MPZL1: variants seen among roughly 807,000 people sequenced by gnomAD.
The protein encoded by MPZL1 is myelin protein zero like 1, also known as myelin protein zero-like protein 1.
A neutral mutation model predicts 29.3 loss-of-function variants in MPZL1; 16 were observed. The ratio of observed to expected loss-of-function variants is 0.55; its 90% CI spans 0.37 to 0.83. MPZL1 has a LOEUF of 0.83. MPZL1 is among the 40% of genes least tolerant of loss of function. The pLI, the probability that MPZL1 is intolerant of heterozygous loss-of-function variation, is 0.00. For synonymous variants in MPZL1, 143 were observed against 132.0 expected (o/e 1.08, Z -0.57); for missense variants, 279 against 332.9 (o/e 0.84, Z 1.26).
chr1:167,741,463 T>G (rs1010358772), intron 1 of MPZL1, among the ~76,000 whole-genome samples: 1 of 144,758 alleles, frequency 6.9e-6, no homozygotes, highest in Non-Finnish European at 1.5e-5. Context: ...GTAGCTGGAA[T>G]TACAGGCACA....
At chr1:167,742,569 T>G (rs1660555231) in intron 1 of MPZL1, among the ~76,000 whole-genome samples, 1 of 152,146 alleles carries the variant, frequency 6.6e-6, no homozygotes, top group Non-Finnish European at 1.5e-5. Flanking sequence ...TTGTGAAGAT[T>G]TTCTCTCACT....
chr1:167,749,596 G>A (rs542825230), intron 1 of MPZL1, among the ~76,000 whole-genome samples: 1 of 152,316 alleles, frequency 6.6e-6, no homozygotes, highest in East Asian at 1.9e-4. Context: ...ATCTTTACCT[G>A]TAACACAGTT....
At chr1:167,774,556 TG>T (rs1181171972) in intron 4 of MPZL1, 1 of 152,260 alleles carries the variant, frequency 6.6e-6, no homozygotes, top group Non-Finnish European at 1.5e-5. Flanking sequence ...TAAATATAGT[TG>T]GACTATTGGT....
chr1:167,735,630 G>C (rs1660362185), intron 1 of MPZL1, among the ~76,000 whole-genome samples: 4 of 152,160 alleles, frequency 2.6e-5, no homozygotes, highest in Admixed American at 2.6e-4. Flanking sequence ...AATCTGCAGG[G>C]TAGGCTGGCA....
chr1:167,782,677 G>A (rs1661520500), intron 5 of MPZL1, among the ~76,000 whole-genome samples: 1 of 152,110 alleles, frequency 6.6e-6, no homozygotes, highest in African/African-American at 2.4e-5. Context: ...AAAAGGACTT[G>A]GCAGATGTGA....
At chr1:167,753,789 C>T (rs569237232) in intron 1 of MPZL1, among the ~76,000 whole-genome samples, 1 of 151,934 alleles carries the variant, frequency 6.6e-6, no homozygotes, top group African/African-American at 2.4e-5. Flanking sequence ...GCCATCACGC[C>T]GGGCTAATTT....
chr1:167,730,402 C>T (rs1223293200), intron 1 of MPZL1, among the ~76,000 whole-genome samples: 1 of 152,156 alleles, frequency 6.6e-6, no homozygotes, highest in Non-Finnish European at 1.5e-5. Flanking sequence ...CCTCAGCCTT[C>T]CTAATAGCTG....
At chr1:167,733,166 G>A (rs1660304647) in intron 1 of MPZL1, among the ~76,000 whole-genome samples, 1 of 152,188 alleles carries the variant, frequency 6.6e-6, no homozygotes, top group Non-Finnish European at 1.5e-5. Flanking sequence ...GGAATACCGT[G>A]ACCAGCTGAT....
intron 1 of MPZL1, among the ~76,000 whole-genome samples, chr1:167,753,198 G>C (rs892966634): frequency 1.3e-5 from 2 of 152,196 alleles, no homozygotes; most frequent in African/African-American, 2.4e-5. Context: ...GGTGGGCCTT[G>C]TTCCAAGCTG....
At chr1:167,755,075 G>A (rs190010701) in intron 1 of MPZL1, among the ~76,000 whole-genome samples, 17 of 152,230 alleles carry the variant, frequency 1.1e-4, no homozygotes, top group Non-Finnish European at 2.2e-4. Flanking sequence ...TCTGTTGTAC[G>A]TTGTATGGGT....
intron 1 of MPZL1, among the ~76,000 whole-genome samples, chr1:167,759,236 A>G (rs1660931159): frequency 6.6e-6 from 1 of 152,226 alleles, no homozygotes; most frequent in African/African-American, 2.4e-5. Flanking sequence ...AGATTAGAAC[A>G]ATAGTTTCTG....
intron 4 of MPZL1, chr1:167,774,974 G>A (rs902628261): frequency 1.3e-5 from 2 of 152,176 alleles, no homozygotes; most frequent in Non-Finnish European, 2.9e-5. Context: ...CCATGAATAT[G>A]TCACATGTTT....
At chr1:167,739,274 C>CATATAT (rs201991698) in intron 1 of MPZL1, among the ~76,000 whole-genome samples, 1,418 of 81,780 alleles carry the variant, frequency 0.017, 62 homozygotes, top group African/African-American at 0.085. Flanking sequence ...TACATATATA[C>CATATAT]ATATATACAT....
At chr1:167,773,536 C>A in intron 4 of MPZL1, 168 bp downstream of exon 4, 1 of 685,900 alleles carries the variant, frequency 1.5e-6, no homozygotes, top group Non-Finnish European at 2.3e-6. Flanking sequence ...AAGTGGAAAT[C>A]AGTGGGCCTG....
intron 1 of MPZL1, among the ~76,000 whole-genome samples, chr1:167,760,835 G>A (rs1232833125): frequency 6.6e-6 from 1 of 151,226 alleles, no homozygotes; most frequent in Non-Finnish European, 1.5e-5. Context: ...AGGTCACCAA[G>A]AGAAGGAATG....
At chr1:167,722,654 C>T (rs527674497) in intron 1 of MPZL1, among the ~76,000 whole-genome samples, 2 of 152,288 alleles carry the variant, frequency 1.3e-5, no homozygotes, top group African/African-American at 4.8e-5. Context: ...CGTTCTTCAC[C>T]TTTGGGAGGT....
Position 167,788,581 on chromosome 1 carries a change from C to T in MPZL1, c.*660C>T, listed in dbSNP as rs1006765331. Reference sequence around the variant, plus strand: ...CCCTTGAAATGTGTCATATCAATTTCTGGATTCATAATAGCAAGATTAGCA... The same window carrying T: ...CCCTTGAAATGTGTCATATCAATTTTTGGATTCATAATAGCAAGATTAGCA... On this transcript the variant is annotated 3_prime_UTR_variant, in exon 6 of 6. Transcript: ENST00000359523. 1 of 152,232 alleles carries T rather than the reference C, an allele frequency of 6.6e-6. No individual in the cohort carries two copies. 9.4% of individuals were successfully genotyped at this position (152,232 alleles called of 1,614,324 possible).
intron 1 of MPZL1, among the ~76,000 whole-genome samples, chr1:167,745,265 A>G (rs78291871): frequency 0.04 from 6,042 of 152,214 alleles, 197 homozygotes; most frequent in Middle Eastern, 0.11. Flanking sequence ...TGGCAGTCAA[A>G]TATCAAAAAT....
chr1:167,757,624 AG>A (rs1348084741), intron 1 of MPZL1, among the ~76,000 whole-genome samples: 3 of 152,118 alleles, frequency 2.0e-5, no homozygotes, highest in Non-Finnish European at 4.4e-5. Context: ...CCTCTCTTCT[AG>A]TATGTTTTAA....
Sources: gnomAD v4.1 joint callset for allele counts (sites outside exome capture counted in the v4.1 genomes callset) on GRCh38, gnomAD v4.1.1 for gene constraint, MANE v1.5 for transcripts, NCBI Gene and HGNC (gene_info 2026-07-23, HGNC 2026-07-21) for gene names.